The following MYH11 variants were observed in gnomAD, a reference collection of about 807,000 sequenced individuals.
MYH11 encodes the protein myosin heavy chain 11.
In MYH11, 80 loss-of-function variants were observed where a neutral mutation model predicts 246.6. The ratio of observed to expected loss-of-function variants is 0.32; its 90% CI spans 0.27 to 0.39. MYH11 has a LOEUF of 0.39. Among genes scored for constraint, MYH11 ranks in the 10% least tolerant of loss-of-function variants. The probability of loss-of-function intolerance (pLI) is 1.00; values close to 1 mark genes in which losing one functional copy is unlikely to be tolerated. For missense variants in MYH11, 2,158 were observed against 2,546.8 expected, an observed-to-expected ratio of 0.85 and a Z score of 3.29; for synonymous variants, 1,071 against 1,015.5, an observed-to-expected ratio of 1.05 and a Z score of -1.04.
At chr16:15,759,046 A>G (rs1273498409) in intron 12 of MYH11, among the ~76,000 whole-genome samples, 1 of 151,998 alleles carries the variant, frequency 6.6e-6, no homozygotes, top group African/African-American at 2.4e-5. Context: ...TAAAGGATCC[A>G]ATATCCATGT....
intron 9 of MYH11, among the ~76,000 whole-genome samples, chr16:15,768,979 T>TA (rs2042040438): frequency 6.6e-6 from 1 of 150,880 alleles, no homozygotes; most frequent in Admixed American, 6.6e-5. Flanking sequence ...GGTGAAGCCT[T>TA]GTCTCTACCC....
intron 20 of MYH11, among the ~76,000 whole-genome samples, chr16:15,743,937 T>G (rs1351713071): frequency 6.6e-6 from 1 of 152,118 alleles, no homozygotes; most frequent in Non-Finnish European, 1.5e-5. Context: ...CAGGAACCAG[T>G]TGAGTCCTCT....
In MYH11 at chr16:15,747,874, C is replaced by T; in HGVS notation, c.2250G>A (p.Met750Ile). 1 of 1,613,858 alleles carries T rather than the reference C, an allele frequency of 6.2e-7. No individual in the cohort carries two copies. The highest frequency in any genetic ancestry group is 1.1e-5 in the South Asian group (1 of 91,038). ...FMDGKQACIL[M>I]IKALELDPNL... ...GTCTCTGGTGGACTTCTGGGCTCAC[C>T]ATGAGAATGCAGGCCTGCTTCCCGT... is the stretch of plus-strand genomic sequence containing the variant. The change falls in exon 18 of 41, where the codon ATG becomes ATA. Residue 750 changes from methionine (M) to isoleucine (I), a missense_variant and splice_region_variant. Around this residue, in one of 11 missense-constraint regions of MYH11, gnomAD observed 56 missense variants for 47.2 expected, o/e 1.19. Coordinates refer to ENST00000300036, the MANE Select transcript of MYH11 (RefSeq NM_002474.3).
At chr16:15,776,318 G>A (rs894983736) in intron 7 of MYH11, 142 bp from the exon 8 acceptor site, 1 of 693,664 alleles carries the variant, frequency 1.4e-6, no homozygotes, top group Non-Finnish European at 2.6e-6. Flanking sequence ...TTTGACCATT[G>A]CCCCTATGGA....
chr16:15,766,344 GGTGTGTGTGTGTGTGTGTGTGTGT>G (rs3073439), intron 9 of MYH11, among the ~76,000 whole-genome samples: 2 of 136,688 alleles, frequency 1.5e-5, no homozygotes, highest in African/African-American at 5.6e-5. Flanking sequence ...CATGTTTTTT[GGTGTGTGTGTGTGTGTGTGTGTGT>G]GTGTGTGTGT....
rs1216775899 is a variant in MYH11, at chr16:15,738,703, A to T, written c.2998-15T>A. 6.2e-7 allele frequency: 1 copy of T among 1,613,002 alleles called. No individual in the cohort carries two copies. The highest frequency in any genetic ancestry group is 1.1e-5 in the South Asian group (1 of 90,936). On this transcript the variant is annotated splice_polypyrimidine_tract_variant and intron_variant, in intron 23 of 40. Transcript: ENST00000300036. The stretch of plus-strand genomic sequence containing the variant: ...AGTTTTCGTTCCTTTTTGGGGAAAG[A>T]GAAAGAGATAGCTTTAGGATTTTTC...
chr16:15,779,259 C>A (rs774647713), intron 6 of MYH11: 7 of 326,602 alleles, frequency 2.1e-5, no homozygotes, highest in Non-Finnish European at 4.2e-5. Flanking sequence ...TGACCTCACC[C>A]TCCCAAGCAG....
intron 2 of MYH11, among the ~76,000 whole-genome samples, chr16:15,831,658 G>C (rs1224012273): frequency 6.6e-6 from 1 of 152,148 alleles, no homozygotes; most frequent in Admixed American, 6.6e-5. Context: ...AGATCAGAAG[G>C]CTGGGTGCAG....
intron 9 of MYH11, among the ~76,000 whole-genome samples, chr16:15,764,236 G>A (rs1406269601): frequency 2.0e-5 from 3 of 152,120 alleles, no homozygotes; most frequent in Admixed American, 6.5e-5. Flanking sequence ...AACAAAGATC[G>A]TCTGGCCTAC....
intron 24 of MYH11, among the ~76,000 whole-genome samples, chr16:15,738,038 G>A (rs188942882): frequency 2.6e-5 from 4 of 151,974 alleles, no homozygotes; most frequent in Non-Finnish European, 4.4e-5. Flanking sequence ...CGCCCACCTC[G>A]GCCTCCCAAA....
chr16:15,847,158 G>A (rs1336428644), intron 1 of MYH11, among the ~76,000 whole-genome samples: 1 of 151,586 alleles, frequency 6.6e-6, no homozygotes, highest in African/African-American at 2.4e-5. Context: ...ATAATGAAGA[G>A]TTTGTGCAGA....
intron 3 of MYH11, among the ~76,000 whole-genome samples, chr16:15,817,693 T>C (rs982515344): frequency 1.3e-5 from 2 of 152,172 alleles, no homozygotes; most frequent in African/African-American, 4.8e-5. Context: ...TCCCAACTCC[T>C]GTGAGGCAGC....
chr16:15,718,352 TCCATGTTGC>T lies in MYH11; in HGVS notation c.5249_5257del (p.Gly1750_Met1752del). 1 of 1,608,698 alleles carries T rather than the reference TCCATGTTGC, an allele frequency of 6.2e-7. No homozygotes were observed. The highest frequency in any genetic ancestry group is 1.3e-5 in the African/African-American group (1 of 74,992). ...TTTGCGGACCCGGTCGCTCATGGCCTCCATGTTGCCCTGCTCCTCCTCCAGCTCCTCCTC... is the reference window on the plus strand; with the variant it reads ...TTTGCGGACCCGGTCGCTCATGGCCTCCTGCTCCTCCTCCAGCTCCTCCTC... On this transcript the variant is annotated inframe_deletion, in exon 37 of 41. Coordinates refer to ENST00000300036, the MANE Select transcript of MYH11 (RefSeq NM_002474.3).
At chr16:15,790,392 C>G (rs1326153247) in intron 4 of MYH11, among the ~76,000 whole-genome samples, 1 of 152,026 alleles carries the variant, frequency 6.6e-6, no homozygotes, top group Non-Finnish European at 1.5e-5. Flanking sequence ...TGGTCTCCCA[C>G]TTTGCCTGGG....
chr16:15,710,241 G>A (rs1025574358), intron 40 of MYH11, among the ~76,000 whole-genome samples: 10 of 152,066 alleles, frequency 6.6e-5, no homozygotes, highest in African/African-American at 1.7e-4. Context: ...TCACTGGGCC[G>A]GCCGGGCATG....
At chr16:15,806,551 T>C (rs992320118) in intron 3 of MYH11, among the ~76,000 whole-genome samples, 3 of 152,204 alleles carry the variant, frequency 2.0e-5, no homozygotes, top group African/African-American at 4.8e-5. Flanking sequence ...TAGACAGTTA[T>C]GCAGACATAG....
chr16:15,732,935 C>T (rs1567710569), intron 26 of MYH11: 1 of 595,738 alleles, frequency 1.7e-6, no homozygotes, highest in Non-Finnish European at 3.0e-6. Flanking sequence ...TAATGACTGG[C>T]AAACAAATAC....
chr16:15,835,530 T>G (rs2043867658), intron 2 of MYH11, among the ~76,000 whole-genome samples: 2 of 152,168 alleles, frequency 1.3e-5, no homozygotes, highest in African/African-American at 4.8e-5. Context: ...TTTTTGTAAT[T>G]TTCATTTGGC....
At chr16:15,803,619 AC>A (rs2042940832) in intron 3 of MYH11, among the ~76,000 whole-genome samples, 2 of 152,130 alleles carry the variant, frequency 1.3e-5, no homozygotes, top group Non-Finnish European at 2.9e-5. Flanking sequence ...GACAGAGAGA[AC>A]CTCCTGGGAC....
Sources: allele counts gnomAD v4.1 joint callset (sites outside exome capture counted in the v4.1 genomes callset), GRCh38; gene constraint gnomAD v4.1.1; regional missense constraint gnomAD v4.1.1; transcripts MANE v1.5; gene names NCBI Gene and HGNC (gene_info 2026-07-23, HGNC 2026-07-21).